The following FHIT variants were observed in gnomAD, a reference collection of about 807,000 sequenced individuals.
The protein encoded by FHIT is bis(5'-adenosyl)-triphosphatase.
A neutral mutation model predicts 17.9 loss-of-function variants in FHIT; 19 were observed. The observed-to-expected ratio is 1.06, with a 90% CI of 0.74 to 1.56. FHIT has a LOEUF of 1.56. FHIT is among the 40% of genes most tolerant of loss of function. The pLI is 0.00. For missense variants in FHIT, 248 were observed against 189.2 expected (o/e 1.31, Z -1.82); for synonymous variants, 81 against 69.7 (o/e 1.16, Z -0.81).
rs1315976727 is a variant in FHIT at position 59,986,540 on chromosome 3, T to TACACACAC, written c.279+24823_279+24830dup. ...ATATATATATATATATATATATATA[T>TACACACAC]ACACACACACACACACACACACACA... On this transcript the variant is annotated intron_variant, in intron 7 of 9. Transcript: ENST00000492590. Among the ~76,000 whole-genome samples the TACACACAC allele has an allele frequency of 4.8e-3, 59 of 12,412 alleles. 2 individuals are homozygous for TACACACAC. The Middle Eastern group carries it at 0.079, about 17-fold the overall frequency. The allele number at this position is 12,412 out of a possible 152,430, so 8.1% of individuals were successfully genotyped here.
At chr3:60,303,690 G>C (rs931098437) in intron 5 of FHIT, among the ~76,000 whole-genome samples, 1 of 152,142 alleles carries the variant, frequency 6.6e-6, no homozygotes, top group Non-Finnish European at 1.5e-5. Flanking sequence ...GTAGACAATC[G>C]TGCTGAGCCA....
At chr3:60,907,609 G>C (rs1344511686) in intron 3 of FHIT, among the ~76,000 whole-genome samples, 1 of 147,504 alleles carries the variant, frequency 6.8e-6, no homozygotes, top group Non-Finnish European at 1.5e-5. Flanking sequence ...ATCTTAGGAG[G>C]TATAAGGTGA....
At chr3:60,365,943 G>A (rs565834571) in intron 5 of FHIT, among the ~76,000 whole-genome samples, 6 of 152,128 alleles carry the variant, frequency 3.9e-5, no homozygotes, top group Admixed American at 6.5e-5. Context: ...ATGCCTCTTT[G>A]AAGCATACTT....
intron 5 of FHIT, among the ~76,000 whole-genome samples, chr3:60,141,319 T>A (rs1700029932): frequency 6.6e-6 from 1 of 151,896 alleles, no homozygotes; most frequent in African/African-American, 2.4e-5. Context: ...GAAAACTGAT[T>A]ACTTACAGTT....
At chr3:60,382,509 G>T (rs917122164) in intron 5 of FHIT, among the ~76,000 whole-genome samples, 32 of 152,124 alleles carry the variant, frequency 2.1e-4, no homozygotes, top group African/African-American at 7.2e-4. Context: ...CAGAAAACTT[G>T]TATGAATTGG....
chr3:60,727,558 T>C (rs748771526), intron 4 of FHIT, among the ~76,000 whole-genome samples: 37 of 152,208 alleles, frequency 2.4e-4, no homozygotes, highest in Non-Finnish European at 5.0e-4. Flanking sequence ...AGCCCCATTA[T>C]AGGAAAGCAA....
At chr3:60,698,148 T>C (rs1017105893) in intron 4 of FHIT, among the ~76,000 whole-genome samples, 8 of 152,180 alleles carry the variant, frequency 5.3e-5, no homozygotes, top group African/African-American at 1.9e-4. Context: ...TTTTTTCCTA[T>C]CCATCTGCTA....
At chr3:60,209,980 G>C (rs1703374551) in intron 5 of FHIT, among the ~76,000 whole-genome samples, 2 of 152,046 alleles carry the variant, frequency 1.3e-5, no homozygotes, top group African/African-American at 4.8e-5. Context: ...GGGTCAATAG[G>C]TGCAGCAAAC....
At chr3:60,249,210 G>C (rs1287995998) in intron 5 of FHIT, among the ~76,000 whole-genome samples, 2 of 152,062 alleles carry the variant, frequency 1.3e-5, no homozygotes, top group Non-Finnish European at 2.9e-5. Flanking sequence ...CTCACAAGGT[G>C]TTCGTTTTTC....
intron 4 of FHIT, among the ~76,000 whole-genome samples, chr3:60,616,374 T>C (rs567852833): frequency 6.6e-6 from 1 of 152,206 alleles, no homozygotes; most frequent in Non-Finnish European, 1.5e-5. Flanking sequence ...ATTTTAATGA[T>C]TATGATGTGC....
chr3:61,177,362 T>C (rs1448695425), intron 2 of FHIT, among the ~76,000 whole-genome samples: 1 of 152,148 alleles, frequency 6.6e-6, no homozygotes, highest in East Asian at 1.9e-4. Context: ...AGGGAAGGCA[T>C]GTAAAAATAC....
At chr3:60,263,210 G>A (rs1198041937) in intron 5 of FHIT, among the ~76,000 whole-genome samples, 1 of 151,948 alleles carries the variant, frequency 6.6e-6, no homozygotes, top group South Asian at 2.1e-4. Flanking sequence ...GTGTTGACAA[G>A]GATTGGCAGC....
intron 3 of FHIT, among the ~76,000 whole-genome samples, chr3:61,028,325 G>C (rs918357244): frequency 1.3e-5 from 2 of 152,172 alleles, no homozygotes; most frequent in Non-Finnish European, 2.9e-5. Flanking sequence ...CTCCAAGACA[G>C]TTGAGCAGGG....
intron 3 of FHIT, among the ~76,000 whole-genome samples, chr3:60,859,831 G>A (rs560602966): frequency 4.3e-4 from 55 of 126,722 alleles, no homozygotes; most frequent in African/African-American, 1.6e-3. Flanking sequence ...ATCACTTGAG[G>A]TCAGGAGCTC....
At chr3:61,200,039 C>T (rs1387778996) in intron 2 of FHIT, among the ~76,000 whole-genome samples, 2 of 152,088 alleles carry the variant, frequency 1.3e-5, no homozygotes, top group Non-Finnish European at 1.5e-5. Context: ...CACAAGAGAC[C>T]GAGTAGGTAC....
At chr3:60,249,395 G>A (rs1383491328) in intron 5 of FHIT, among the ~76,000 whole-genome samples, 1 of 152,104 alleles carries the variant, frequency 6.6e-6, no homozygotes, top group Admixed American at 6.6e-5. Flanking sequence ...CATGTGCTCT[G>A]AGGGAGGCTG....
At chr3:60,981,490 T>A (rs1710493103) in intron 3 of FHIT, among the ~76,000 whole-genome samples, 1 of 151,800 alleles carries the variant, frequency 6.6e-6, no homozygotes, top group Non-Finnish European at 1.5e-5. Context: ...AAATATATTT[T>A]CGTAGAGATG....
intron 2 of FHIT, among the ~76,000 whole-genome samples, chr3:61,141,334 G>C (rs966735086): frequency 6.6e-6 from 1 of 151,984 alleles, no homozygotes; most frequent in African/African-American, 2.4e-5. Flanking sequence ...CTCAGTCTTC[G>C]GAGCTTCAAA....
intron 5 of FHIT, chr3:60,080,711 C>T (rs1182610102): frequency 1.3e-5 from 2 of 151,752 alleles, no homozygotes; most frequent in South Asian, 2.1e-4. Flanking sequence ...GATTAGCAAC[C>T]CTGTAAGAGC....
Sources: allele counts gnomAD v4.1 joint callset (sites outside exome capture counted in the v4.1 genomes callset), GRCh38; gene constraint gnomAD v4.1.1; transcripts MANE v1.5; gene names NCBI Gene and HGNC (gene_info 2026-07-23, HGNC 2026-07-21).